DPP6: variants seen among roughly 807,000 people sequenced by gnomAD.
The protein encoded by DPP6 is dipeptidyl peptidase like 6.
Under a neutral mutation model 122.6 loss-of-function variants are expected in DPP6, and 69 were observed. The observed-to-expected ratio is 0.56, with a 90% CI of 0.46 to 0.69. DPP6 has a LOEUF of 0.69. Among genes scored for constraint, DPP6 ranks in the 30% least tolerant of loss-of-function variants. DPP6 has a pLI of 0.00. For missense variants in DPP6, 928 were observed against 1,116.9 expected, an observed-to-expected ratio of 0.83 and a Z score of 2.41; for synonymous variants, 418 against 433.1, an observed-to-expected ratio of 0.97 and a Z score of 0.43.
intron 1 of DPP6, among the ~76,000 whole-genome samples, chr7:154,045,641 G>A (rs1799983451): frequency 1.3e-5 from 2 of 152,326 alleles, no homozygotes; most frequent in Non-Finnish European, 2.9e-5. Flanking sequence ...GCTTTATTGT[G>A]AACACATTTG....
chr7:154,305,840 A>G (rs954396978), intron 1 of DPP6, among the ~76,000 whole-genome samples: 1 of 152,042 alleles, frequency 6.6e-6, no homozygotes, highest in Non-Finnish European at 1.5e-5. Context: ...CTGTCAAGGT[A>G]AACTTGATGT....
intron 1 of DPP6, among the ~76,000 whole-genome samples, chr7:154,169,976 G>A (rs979110001): frequency 2.6e-5 from 4 of 152,002 alleles, no homozygotes; most frequent in Non-Finnish European, 4.4e-5. Flanking sequence ...CACCCACCTC[G>A]GCCTCCCAAA....
At chr7:154,808,602 T>A (rs1403197108) in intron 16 of DPP6, among the ~76,000 whole-genome samples, 1 of 152,086 alleles carries the variant, frequency 6.6e-6, no homozygotes, top group African/African-American at 2.4e-5. Context: ...TGACTCCCAA[T>A]GAGCCAGTGA....
chr7:154,672,471 T>C (rs1344525603), intron 7 of DPP6, among the ~76,000 whole-genome samples: 1 of 152,222 alleles, frequency 6.6e-6, no homozygotes, highest in Non-Finnish European at 1.5e-5. Flanking sequence ...AGTTAATACA[T>C]TTTTGTGGTT....
the DPP6 span, among the ~76,000 whole-genome samples, chr7:153,767,381 T>C: frequency 6.6e-6 from 1 of 152,152 alleles, no homozygotes; most frequent in African/African-American, 2.4e-5. Context: ...TTTGTTGTTG[T>C]TGTTGTTGTT....
At chr7:154,386,820 G>T (rs1409702324) in intron 1 of DPP6, among the ~76,000 whole-genome samples, 1 of 152,172 alleles carries the variant, frequency 6.6e-6, no homozygotes, top group Non-Finnish European at 1.5e-5. Context: ...GTGCAATACT[G>T]GTTGAAGCCA....
At chr7:154,427,177 C>T (rs550568993) in intron 1 of DPP6, among the ~76,000 whole-genome samples, 10 of 152,240 alleles carry the variant, frequency 6.6e-5, no homozygotes, top group Non-Finnish European at 1.0e-4. Context: ...TGCATGGTGT[C>T]GAGAGAGGCA....
At chr7:154,587,266 A>G (rs927887322) in intron 5 of DPP6, 5 of 272,646 alleles carry the variant, frequency 1.8e-5, no homozygotes, top group Non-Finnish European at 3.5e-5. Flanking sequence ...TGTCTGACCA[A>G]TGCCTTGGGT....
At chr7:153,894,399 G>A (rs1276067517) in intron 1 of DPP6, among the ~76,000 whole-genome samples, 1 of 152,104 alleles carries the variant, frequency 6.6e-6, no homozygotes, top group African/African-American at 2.4e-5. Flanking sequence ...TAGGTCCCTT[G>A]AACATACTAA....
intron 5 of DPP6, among the ~76,000 whole-genome samples, chr7:154,593,657 C>T (rs985740248): frequency 3.9e-5 from 6 of 152,230 alleles, no homozygotes; most frequent in Admixed American, 3.9e-4. Context: ...CCCGGAGCCC[C>T]AGTCCTTCTG....
rs1801013906 is a variant in DPP6 at position 153,928,396 on chromosome 7, A to ATTTTTTTTTTTTTTTTTTTTTCTTTTTTT, written c.51+40683_51+40684insCTTTTTTTTTTTTTTTTTTTTTTTTTTTT. Among the ~76,000 whole-genome samples, 2 of 43,672 alleles carry ATTTTTTTTTTTTTTTTTTTTTCTTTTTTT rather than the reference A, an allele frequency of 4.6e-5. 1 individual carries two copies. Among genetic ancestry groups the ATTTTTTTTTTTTTTTTTTTTTCTTTTTTT allele is most frequent in the Non-Finnish European group, 8.7e-5 (2 of 22,868 alleles). 28.7% of individuals were successfully genotyped at this position (43,672 alleles called of 152,430 possible). ...CTGGCTAATTTTTTTCTTTTCTTTC[A>ATTTTTTTTTTTTTTTTTTTTTCTTTTTTT]TTTTTTTTTTTTTTTTTTTTTTTTT... On this transcript the variant is annotated intron_variant, in intron 1 of 25. Coordinates refer to the DPP6 transcript ENST00000404039.
chr7:153,999,675 T>C (rs1185897845), intron 1 of DPP6, among the ~76,000 whole-genome samples: 2 of 152,168 alleles, frequency 1.3e-5, no homozygotes, highest in African/African-American at 4.8e-5. Context: ...TAAAAGAAAC[T>C]TGGCAGTGGG....
At chr7:154,161,398 G>A (rs569705122) in intron 1 of DPP6, among the ~76,000 whole-genome samples, 51 of 152,260 alleles carry the variant, frequency 3.3e-4, no homozygotes, top group Admixed American at 1.2e-3. Context: ...TTGGGAGGCT[G>A]AGGTGGGAGA....
At chr7:154,718,456 T>C (rs1442519499) in intron 7 of DPP6, among the ~76,000 whole-genome samples, 1 of 152,090 alleles carries the variant, frequency 6.6e-6, no homozygotes, top group Non-Finnish European at 1.5e-5. Flanking sequence ...CTAATTTCAT[T>C]CTTCACGTCA....
chr7:154,625,240 A>T (rs575825866), intron 5 of DPP6, among the ~76,000 whole-genome samples: 63 of 152,186 alleles, frequency 4.1e-4, no homozygotes, highest in Non-Finnish European at 5.7e-4. Flanking sequence ...TTTAGGCTTG[A>T]AAGTCAGCAA....
chr7:154,366,374 G>T (rs900868974), intron 1 of DPP6, among the ~76,000 whole-genome samples: 1 of 152,230 alleles, frequency 6.6e-6, no homozygotes, highest in Non-Finnish European at 1.5e-5. Context: ...TCCCTGAAGA[G>T]AAATGATTCT....
intron 6 of DPP6, among the ~76,000 whole-genome samples, chr7:154,642,292 T>C (rs1041179865): frequency 1.3e-5 from 2 of 152,074 alleles, no homozygotes; most frequent in African/African-American, 4.8e-5. Flanking sequence ...AAGAAGATCA[T>C]AATAATAGTG....
At chr7:154,350,041 G>C (rs888446666) in intron 1 of DPP6, among the ~76,000 whole-genome samples, 14 of 152,318 alleles carry the variant, frequency 9.2e-5, no homozygotes, top group Middle Eastern at 3.4e-3. Context: ...AGACCTGGGG[G>C]GTGATGATTA....
chr7:154,466,003 A>G (rs1417520470), intron 2 of DPP6, among the ~76,000 whole-genome samples: 1 of 152,230 alleles, frequency 6.6e-6, no homozygotes, highest in East Asian at 1.9e-4. Flanking sequence ...TGGCACATAT[A>G]TACCATGGAA....
Sources: allele counts gnomAD v4.1 joint callset (sites outside exome capture counted in the v4.1 genomes callset), GRCh38; gene constraint gnomAD v4.1.1; transcripts MANE v1.5; gene names NCBI Gene and HGNC (gene_info 2026-07-23, HGNC 2026-07-21).